The following COL19A1 variants were observed in gnomAD, a reference collection of about 807,000 sequenced individuals.
COL19A1 encodes collagen type XIX alpha 1 chain.
Under a neutral mutation model 190.2 loss-of-function variants are expected in COL19A1, and 159 were observed. The ratio of observed to expected loss-of-function variants is 0.84; its 90% CI spans 0.73 to 0.95. COL19A1 has a LOEUF of 0.95. COL19A1 is among the 40% of genes least tolerant of loss of function. COL19A1 has a pLI of 0.00. For synonymous variants in COL19A1, 509 were observed against 458.9 expected, an observed-to-expected ratio of 1.11 and a Z score of -1.39; for missense variants, 1,418 against 1,431.9, an observed-to-expected ratio of 0.99 and a Z score of 0.16.
chr6:69,986,517 G>A (rs553261442), intron 11 of COL19A1, among the ~76,000 whole-genome samples: 15 of 152,034 alleles, frequency 9.9e-5, no homozygotes, highest in African/African-American at 3.4e-4. Flanking sequence ...ATGTGCCTTG[G>A]GAATTTGCAT....
rs1786452296 is a variant in COL19A1 at position 70,144,147 on chromosome 6, T to C, written c.1627-63T>C. Reference sequence around the variant, plus strand: ...TTCTCTTGACAGAGATTCACAGATATAGGGAAATGTTATTGTAAGAGATGT... The same window carrying C: ...TTCTCTTGACAGAGATTCACAGATACAGGGAAATGTTATTGTAAGAGATGT... On this transcript the variant is annotated intron_variant, in intron 23 of 50. Coordinates refer to ENST00000620364, the MANE Select transcript of COL19A1 (RefSeq NM_001858.6). The C allele has an allele frequency of 1.0e-5, 14 of 1,362,378 alleles. No homozygotes were observed. In the South Asian group the frequency reaches 1.5e-4, roughly 14 times the overall value. The allele number at this position is 1,362,378 out of a possible 1,614,324, so 84.4% of individuals were successfully genotyped here.
intron 48 of COL19A1, among the ~76,000 whole-genome samples, chr6:70,198,845 T>C (rs959319067): frequency 6.6e-6 from 1 of 152,216 alleles, no homozygotes; most frequent in Non-Finnish European, 1.5e-5. Context: ...GGATCTCTAA[T>C]GAAGTTGCAG....
At chr6:70,167,718 C>T (rs1403029075) in intron 37 of COL19A1, among the ~76,000 whole-genome samples, 1 of 152,130 alleles carries the variant, frequency 6.6e-6, no homozygotes, top group Non-Finnish European at 1.5e-5. Context: ...TTTTAATGAG[C>T]AAATATTTTC....
At chr6:70,086,350 T>C (rs1400621265) in intron 15 of COL19A1, among the ~76,000 whole-genome samples, 1 of 151,780 alleles carries the variant, frequency 6.6e-6, no homozygotes. Context: ...CATAAGTACA[T>C]ATATTTCTTT....
intron 41 of COL19A1, 70 bp from the exon 42 acceptor site, chr6:70,176,450 T>C: frequency 6.7e-7 from 1 of 1,491,488 alleles, no homozygotes; most frequent in Admixed American, 1.8e-5. Flanking sequence ...AATTATTATT[T>C]GAGAATTAAT....
intron 15 of COL19A1, among the ~76,000 whole-genome samples, chr6:70,080,757 A>T (rs979520889): frequency 2.6e-5 from 4 of 152,146 alleles, no homozygotes; most frequent in African/African-American, 7.2e-5. Flanking sequence ...GAAGCATGCT[A>T]ATTATGTATC....
At chr6:70,157,127 C>A (rs776295890) in intron 34 of COL19A1, among the ~76,000 whole-genome samples, 1 of 152,080 alleles carries the variant, frequency 6.6e-6, no homozygotes, top group Non-Finnish European at 1.5e-5. Context: ...AAGAACCCAG[C>A]AGAGCTTCCC....
At position 70,066,954 on chromosome 6, in the gene COL19A1, G is replaced by A. The variant is rs75036869; in HGVS notation, c.1171-1469G>A. On this transcript the variant is annotated intron_variant, in intron 14 of 50. Coordinates refer to ENST00000620364, the MANE Select transcript of COL19A1 (RefSeq NM_001858.6). The stretch of plus-strand genomic sequence containing the variant: ...CCTTTATCCAAAAACTTTTATTGGA[G>A]TGGATGAGTTCCCCATGTGAATTGT... Among the ~76,000 whole-genome samples, 564 of 152,242 alleles carry A rather than the reference G, an allele frequency of 3.7e-3. 11 individuals carry two copies. The highest frequency in any genetic ancestry group is 0.013 in the African/African-American group (534 of 41,568).
At chr6:70,154,633 AGGCT>A (rs1787322883) in intron 31 of COL19A1, among the ~76,000 whole-genome samples, 1 of 152,200 alleles carries the variant, frequency 6.6e-6, no homozygotes, top group Admixed American at 6.5e-5. Flanking sequence ...GTCTGACAAT[AGGCT>A]GTCTGCAAGT....
intron 15 of COL19A1, among the ~76,000 whole-genome samples, chr6:70,097,121 G>C (rs575103807): frequency 6.6e-6 from 1 of 152,068 alleles, no homozygotes; most frequent in South Asian, 2.1e-4. Context: ...TCCCTTTTTA[G>C]TACTCCTAAG....
At position 69,916,182 on chromosome 6, in the gene COL19A1, C is replaced by T. The variant is rs530003601; in HGVS notation, c.267-11727C>T. 1.4e-3 allele frequency among the ~76,000 whole-genome samples: 214 copies of T among 152,128 alleles called. 2 individuals are homozygous for T. Among genetic ancestry groups the T allele is most frequent in the African/African-American group, 4.6e-3 (193 of 41,506 alleles). ...TGATCTCCTGACCTTGTGATCTGCC[C>T]GCCTCGGCCTCCCAAAGTGCAGGGA... On this transcript the variant is annotated intron_variant, in intron 4 of 50. Coordinates refer to ENST00000620364, the MANE Select transcript of COL19A1 (RefSeq NM_001858.6).
chr6:69,900,915 A>C (rs1287029137), intron 4 of COL19A1, among the ~76,000 whole-genome samples: 1 of 152,120 alleles, frequency 6.6e-6, no homozygotes, highest in African/African-American at 2.4e-5. Flanking sequence ...ATACACTTAG[A>C]GTTACAAAAA....
chr6:70,043,605 A>G (rs948212523), intron 14 of COL19A1, among the ~76,000 whole-genome samples: 6 of 152,224 alleles, frequency 3.9e-5, no homozygotes, highest in Admixed American at 1.3e-4. Flanking sequence ...GTCTCCTTGT[A>G]CATCACCATC....
At chr6:70,043,957 G>A (rs1249090496) in intron 14 of COL19A1, among the ~76,000 whole-genome samples, 2 of 152,186 alleles carry the variant, frequency 1.3e-5, no homozygotes, top group Admixed American at 6.5e-5. Flanking sequence ...CATCTTAACT[G>A]CTTTGTTGAC....
rs567463268 is a variant in COL19A1, at chr6:70,054,979, T to C, written c.1171-13444T>C. On this transcript the variant is annotated intron_variant, in intron 14 of 50. Transcript: ENST00000620364. ...GGAAAAAATACCCCACTAAACTAAATCAATTGGCCAGCTGGGAAAAAATAT... is the reference window on the plus strand; with the variant it reads ...GGAAAAAATACCCCACTAAACTAAACCAATTGGCCAGCTGGGAAAAAATAT... Among the ~76,000 whole-genome samples the C allele has an allele frequency of 2.0e-5, 3 of 152,078 alleles. No individual in the cohort carries two copies. The South Asian group carries it at 6.2e-4, about 32-fold the overall frequency.
At chr6:69,921,679 T>C (rs551348576) in intron 4 of COL19A1, among the ~76,000 whole-genome samples, 2 of 147,546 alleles carry the variant, frequency 1.4e-5, no homozygotes, top group African/African-American at 5.0e-5. Context: ...TAGATTCGTA[T>C]ATATTCGTAT....
Position 70,096,074 on chromosome 6 carries a change from C to T in COL19A1, c.1225-6095C>T, listed in dbSNP as rs569998037. 1.2e-4 allele frequency among the ~76,000 whole-genome samples: 17 copies of T among 141,470 alleles called. 1 individual carries two copies. Among genetic ancestry groups the T allele is most frequent in the East Asian group, 8.0e-4 (4 of 4,980 alleles). The allele number at this position is 141,470 out of a possible 152,430, so 92.8% of individuals were successfully genotyped here. Reference sequence around the variant, plus strand: ...CCAGAAATGGGATTGCTAGATCATACGGTAACTCTATTTTTTTTTTTTTTT... The same window carrying T: ...CCAGAAATGGGATTGCTAGATCATATGGTAACTCTATTTTTTTTTTTTTTT... On this transcript the variant is annotated intron_variant, in intron 15 of 50. Coordinates refer to ENST00000620364, the MANE Select transcript of COL19A1 (RefSeq NM_001858.6).
chr6:69,988,756 G>A (rs1030962492), intron 11 of COL19A1, among the ~76,000 whole-genome samples: 1 of 152,152 alleles, frequency 6.6e-6, no homozygotes, highest in Admixed American at 6.6e-5. Context: ...CTCTCAAGAG[G>A]ATGGTTCCTA....
intron 4 of COL19A1, among the ~76,000 whole-genome samples, chr6:69,913,795 G>GA (rs112607874): frequency 3.3e-5 from 5 of 152,012 alleles, no homozygotes; most frequent in African/African-American, 9.7e-5. Context: ...CTACATGCTA[G>GA]AAAAAAACAG....
Sources: allele counts gnomAD v4.1 joint callset (sites outside exome capture counted in the v4.1 genomes callset), GRCh38; gene constraint gnomAD v4.1.1; transcripts MANE v1.5; gene names NCBI Gene and HGNC (gene_info 2026-07-23, HGNC 2026-07-21).